Variants in CLVS1 observed in about 807,000 individuals in gnomAD.
The protein encoded by CLVS1 is clavesin 1, also known as clavesin-1.
Under a neutral mutation model 33.1 loss-of-function variants are expected in CLVS1, and 10 were observed. The ratio of observed to expected loss-of-function variants is 0.30; its 90% confidence interval spans 0.19 to 0.51. The LOEUF (loss-of-function observed/expected upper bound fraction) is 0.51. Among genes scored for constraint, CLVS1 ranks in the 20% least tolerant of loss-of-function variants. The probability of loss-of-function intolerance (pLI) is 0.97; values close to 1 mark genes in which losing one functional copy is unlikely to be tolerated. For missense variants in CLVS1, 343 were observed against 433.4 expected (o/e 0.79, Z 1.85); for synonymous variants, 163 against 166.1 (o/e 0.98, Z 0.14).
At chr8:61,478,032 G>T (rs1818022686) in intron 5 of CLVS1, among the ~76,000 whole-genome samples, 1 of 152,148 alleles carries the variant, frequency 6.6e-6, no homozygotes, top group Admixed American at 6.5e-5. Flanking sequence ...GTTCTCACTG[G>T]TTTCAAAGAA....
At chr8:61,357,494 C>CTTTTCT (rs1812776284) in intron 2 of CLVS1, among the ~76,000 whole-genome samples, 3 of 25,810 alleles carry the variant, frequency 1.2e-4, no homozygotes, top group African/African-American at 3.0e-4. Context: ...TTTTTCTTTT[C>CTTTTCT]TTTTTTTTTT....
chr8:61,401,086 T>C (rs574926300), intron 3 of CLVS1, among the ~76,000 whole-genome samples: 2 of 152,178 alleles, frequency 1.3e-5, no homozygotes, highest in Admixed American at 1.3e-4. Context: ...TCATTGCTAG[T>C]GTATTGAAAT....
the CLVS1 span, among the ~76,000 whole-genome samples, chr8:61,009,499 GT>G: frequency 6.6e-6 from 1 of 151,726 alleles, no homozygotes. Flanking sequence ...GTATTTTGAT[GT>G]TTTTGTTTAT....
At chr8:61,442,187 A>G (rs1482107092) in intron 3 of CLVS1, among the ~76,000 whole-genome samples, 1 of 152,206 alleles carries the variant, frequency 6.6e-6, no homozygotes, top group East Asian at 1.9e-4. Context: ...TATAAATGGA[A>G]TCATAGAGTA....
intron 2 of CLVS1, among the ~76,000 whole-genome samples, chr8:61,222,296 C>T (rs1359630952): frequency 6.6e-6 from 1 of 151,986 alleles, no homozygotes; most frequent in Non-Finnish European, 1.5e-5. Context: ...TGAGATTTTT[C>T]TGGCTTTCTG....
chr8:61,280,887 C>G (rs546072217), intron 2 of CLVS1, among the ~76,000 whole-genome samples: 1 of 152,188 alleles, frequency 6.6e-6, no homozygotes, highest in African/African-American at 2.4e-5. Flanking sequence ...CTAGGCCTCC[C>G]AAAGTGCTCA....
At chr8:61,130,615 T>C (rs1041097779) in intron 1 of CLVS1, among the ~76,000 whole-genome samples, 1 of 152,262 alleles carries the variant, frequency 6.6e-6, no homozygotes, top group African/African-American at 2.4e-5. Context: ...TGTTTTGTTT[T>C]GTTTTGTTTG....
intron 5 of CLVS1, among the ~76,000 whole-genome samples, chr8:61,472,253 G>C (rs1014510855): frequency 6.6e-6 from 1 of 152,126 alleles, no homozygotes; most frequent in Non-Finnish European, 1.5e-5. Flanking sequence ...GTTTCCCAAG[G>C]GTGGGGATGA....
intron 2 of CLVS1, among the ~76,000 whole-genome samples, chr8:61,246,507 G>A (rs182089230): frequency 6.6e-6 from 1 of 151,924 alleles, no homozygotes; most frequent in African/African-American, 2.4e-5. Flanking sequence ...ATATATTTTA[G>A]TTCTACGTGT....
rs370791710 is a variant in CLVS1, at chr8:61,369,802, G to A, written c.456-6803G>A. 2.2e-3 allele frequency among the ~76,000 whole-genome samples: 329 copies of A among 152,250 alleles called. 2 individuals are homozygous for A. Among genetic ancestry groups the A allele is most frequent in the African/African-American group, 7.2e-3 (299 of 41,536 alleles). ...GCCCAATCACCTTTCTCAAGTACAGGCCCTTTTGCCAGTTTGCCAAAGGAG... is the reference window on the plus strand; with the variant it reads ...GCCCAATCACCTTTCTCAAGTACAGACCCTTTTGCCAGTTTGCCAAAGGAG... On this transcript the variant is annotated intron_variant, in intron 2 of 5. Transcript: ENST00000325897.
intron 3 of CLVS1, among the ~76,000 whole-genome samples, chr8:61,436,355 C>T (rs921483788): frequency 6.6e-6 from 1 of 152,202 alleles, no homozygotes; most frequent in Non-Finnish European, 1.5e-5. Flanking sequence ...TTTAGCTGCA[C>T]TTGCCATCTT....
At chr8:61,479,405 A>G (rs571120087) in intron 5 of CLVS1, among the ~76,000 whole-genome samples, 1 of 152,274 alleles carries the variant, frequency 6.6e-6, no homozygotes, top group East Asian at 1.9e-4. Context: ...TTCATCACAT[A>G]GTTCTCGTGC....
At chr8:61,208,601 T>G (rs771110175) in intron 2 of CLVS1, among the ~76,000 whole-genome samples, 1 of 152,160 alleles carries the variant, frequency 6.6e-6, no homozygotes, top group Non-Finnish European at 1.5e-5. Context: ...TTTTTTTCTT[T>G]TTTTTTGAGA....
At chr8:61,096,724 A>G (rs529518406) in intron 1 of CLVS1, among the ~76,000 whole-genome samples, 1 of 152,248 alleles carries the variant, frequency 6.6e-6, no homozygotes, top group African/African-American at 2.4e-5. Flanking sequence ...GGAATGGTGA[A>G]GAGAAAGCAG....
At chr8:61,496,680 AT>A (rs1305143279) in intron 5 of CLVS1, among the ~76,000 whole-genome samples, 1 of 152,142 alleles carries the variant, frequency 6.6e-6, no homozygotes, top group Non-Finnish European at 1.5e-5. Flanking sequence ...GTAGAAATAA[AT>A]TTTTTTGAGA....
At chr8:61,109,224 A>G (rs1459919578) in intron 1 of CLVS1, among the ~76,000 whole-genome samples, 1 of 150,826 alleles carries the variant, frequency 6.6e-6, no homozygotes, top group Non-Finnish European at 1.5e-5. Context: ...TTTTTTTTTC[A>G]TTTGCAATGT....
chr8:61,068,065 G>C (rs927572320), intron 1 of CLVS1, among the ~76,000 whole-genome samples: 2 of 151,514 alleles, frequency 1.3e-5, no homozygotes, highest in African/African-American at 4.9e-5. Context: ...CTAGCTCCTA[G>C]GGAGGCTGAT....
the CLVS1 span, among the ~76,000 whole-genome samples, chr8:61,050,561 C>A: frequency 6.6e-6 from 1 of 152,244 alleles, no homozygotes; most frequent in African/African-American, 2.4e-5. Flanking sequence ...CCTCGGCCAC[C>A]AGCAGCCCAG....
At chr8:61,273,888 G>C (rs984838513) in intron 2 of CLVS1, 8 of 158,468 alleles carry the variant, frequency 5.0e-5, no homozygotes, top group South Asian at 2.0e-4. Flanking sequence ...TGCACCCACT[G>C]TCTGGCACTC....
Sources: gnomAD v4.1 joint callset for allele counts (sites outside exome capture counted in the v4.1 genomes callset) on GRCh38, gnomAD v4.1.1 for gene constraint, MANE v1.5 for transcripts, NCBI Gene and HGNC (gene_info 2026-07-23, HGNC 2026-07-21) for gene names.